SDR42E2: variants seen among roughly 807,000 people sequenced by gnomAD.
SDR42E2 encodes the protein putative short-chain dehydrogenase/reductase family 42E member 2.
A neutral mutation model predicts 10.5 loss-of-function variants in SDR42E2; 20 were observed. That is an observed-to-expected ratio of 1.90 (90% CI 1.34 to 2.77). The LOEUF (loss-of-function observed/expected upper bound fraction) is 2.77, where lower values mean the gene tolerates loss of function less well. Ranked by LOEUF, SDR42E2 falls within the 30% of genes most tolerant of loss-of-function variation. SDR42E2 has a pLI of 0.00. For synonymous variants in SDR42E2, 72 were observed against 39.2 expected, an observed-to-expected ratio of 1.84 and a Z score of -3.12; for missense variants, 162 against 104.2, an observed-to-expected ratio of 1.55 and a Z score of -2.42.
chr16:22,169,095 T>G (rs908515979), intron 4 of SDR42E2, among the ~76,000 whole-genome samples: 2 of 152,110 alleles, frequency 1.3e-5, no homozygotes, highest in African/African-American at 2.4e-5. Context: ...ACTGAGGCTT[T>G]GAGAGTAGGA....
At chr16:22,165,893 G>T (rs1260755395) in intron 2 of SDR42E2, among the ~76,000 whole-genome samples, 1 of 152,034 alleles carries the variant, frequency 6.6e-6, no homozygotes, top group Non-Finnish European at 1.5e-5. Flanking sequence ...TCCGTACCTG[G>T]TCTAGGAGCT....
intron 3 of SDR42E2, among the ~76,000 whole-genome samples, chr16:22,166,659 C>G (rs2046543274): frequency 1.3e-5 from 2 of 152,066 alleles, no homozygotes; most frequent in Admixed American, 6.6e-5. Flanking sequence ...GTTGATGAGA[C>G]AGTGCACATA....
intron 7 of SDR42E2, among the ~76,000 whole-genome samples, chr16:22,174,071 A>T (rs1442996355): frequency 6.7e-6 from 1 of 150,172 alleles, no homozygotes; most frequent in East Asian, 2.0e-4. Context: ...GGTGGCTCAC[A>T]CTTGTAATCC....
intron 11 of SDR42E2, among the ~76,000 whole-genome samples, chr16:22,185,419 G>A (rs762111746): frequency 2.6e-5 from 4 of 152,134 alleles, no homozygotes; most frequent in East Asian, 1.9e-4. Context: ...CCTGAGCCAC[G>A]GCCGATGGCA....
chr16:22,183,071 G>A (rs1435742015), intron 10 of SDR42E2, among the ~76,000 whole-genome samples: 1 of 152,064 alleles, frequency 6.6e-6, no homozygotes, highest in African/African-American at 2.4e-5. Context: ...CTTGAGGGGC[G>A]CCATGTGTTC....
intron 7 of SDR42E2, among the ~76,000 whole-genome samples, chr16:22,175,747 C>T (rs187659735): frequency 1.3e-5 from 2 of 152,020 alleles, no homozygotes; most frequent in Non-Finnish European, 2.9e-5. Flanking sequence ...AATCCCAGCA[C>T]TTTGGGAGGC....
rs1343926094 is a variant in SDR42E2, at chr16:22,191,417, G to C, written c.*1024G>C. ...GTTCTCCCCGGAACCAGGCTGCCGCGTCGCTATGGGCTAACGCAGGCTCGG... is the reference window on the plus strand; with the variant it reads ...GTTCTCCCCGGAACCAGGCTGCCGCCTCGCTATGGGCTAACGCAGGCTCGG... On this transcript the variant is annotated 3_prime_UTR_variant, in exon 13 of 13. Transcript: ENST00000602312. 1 of 152,398 alleles carries C rather than the reference G, an allele frequency of 6.6e-6. No homozygotes were observed. Among genetic ancestry groups the C allele is most frequent in the Non-Finnish European group, 1.5e-5 (1 of 68,080 alleles). 9.4% of individuals were successfully genotyped at this position (152,398 alleles called of 1,614,324 possible).
At chr16:22,186,447 T>C (rs2046737443) in intron 11 of SDR42E2, among the ~76,000 whole-genome samples, 1 of 152,048 alleles carries the variant, frequency 6.6e-6, no homozygotes, top group Non-Finnish European at 1.5e-5. Flanking sequence ...TCTCAGGCAA[T>C]CCGCCCGCCT....
At chr16:22,173,905 GTA>G (rs770541596) in intron 7 of SDR42E2, among the ~76,000 whole-genome samples, 3,864 of 114,788 alleles carry the variant, frequency 0.034, 118 homozygotes, top group South Asian at 0.055. Context: ...ATGTGTGTGT[GTA>G]TATATATATA....
chr16:22,166,716 G>A (rs753612708), intron 3 of SDR42E2, among the ~76,000 whole-genome samples, 188 bp from the exon 4 acceptor site: 6 of 152,232 alleles, frequency 3.9e-5, no homozygotes, highest in South Asian at 4.1e-4. Context: ...GAATGAGCAC[G>A]GGATGTTGCT....
chr16:22,182,969 C>T lies in SDR42E2; in HGVS notation c.876+692C>T, dbSNP rs189580996. Among the ~76,000 whole-genome samples, 63 of 152,136 alleles carry T rather than the reference C, an allele frequency of 4.1e-4. No individual in the cohort carries two copies. The East Asian group carries it at 8.8e-3, about 21-fold the overall frequency. ...GCAGTGAGCTATGATTGCACCACTG[C>T]ACTCCAGCCTGGGTAACAGAATAAG... On this transcript the variant is annotated intron_variant, in intron 10 of 12. Coordinates refer to ENST00000602312, the MANE Select transcript of SDR42E2 (RefSeq NM_001394319.2).
intron 6 of SDR42E2, 23 bp downstream of exon 6, chr16:22,170,974 G>A (rs1403235327): frequency 2.8e-6 from 2 of 702,872 alleles, no homozygotes; most frequent in African/African-American, 3.5e-5. Flanking sequence ...CGGGAGAGGT[G>A]GGCAGGACCC....
At chr16:22,181,734 G>A (rs1188720896) in intron 9 of SDR42E2, 78 bp downstream of exon 9, 19 of 653,038 alleles carry the variant, frequency 2.9e-5, no homozygotes, top group Non-Finnish European at 4.7e-5. Flanking sequence ...GGGATTTCTG[G>A]ATGGCACACA....
intron 12 of SDR42E2, among the ~76,000 whole-genome samples, chr16:22,187,463 T>A (rs2046743851): frequency 6.6e-6 from 1 of 151,372 alleles, no homozygotes; most frequent in African/African-American, 2.4e-5. Flanking sequence ...CAAAAAATTT[T>A]AAAATTAGCC....
chr16:22,184,216 G>T lies in SDR42E2; in HGVS notation c.912G>T (p.Gln304His). The change falls in exon 11 of 13, where the codon CAG becomes CAT. Residue 304 changes from glutamine to histidine, a missense_variant. By Grantham distance (24) the Gln-to-His change is conservative. Transcript: ENST00000602312. ...TGGGGTACAGCCAGCCCTGGATCCA[G>T]GTGCCTACTTCCTGGGTTTACCTGA... ...EKLGYSQPWI[Q>H]VPTSWVYLTA... is the part of the protein sequence containing the mutation. 1 of 401,482 alleles carries T rather than the reference G, an allele frequency of 2.5e-6. No individual in the cohort carries two copies. The highest frequency in any genetic ancestry group is 1.3e-4 in the South Asian group (1 of 7,960). The allele number at this position is 401,482 out of a possible 1,614,324, so 24.9% of individuals were successfully genotyped here.
chr16:22,184,707 C>T (rs144825084), intron 11 of SDR42E2, among the ~76,000 whole-genome samples: 1 of 152,306 alleles, frequency 6.6e-6, no homozygotes, highest in East Asian at 1.9e-4. Flanking sequence ...GCAGCAGCTC[C>T]AAGCCTGAGT....
chr16:22,164,230 G>T (rs1379779748), intron 1 of SDR42E2, among the ~76,000 whole-genome samples: 1 of 151,886 alleles, frequency 6.6e-6, no homozygotes, highest in Non-Finnish European at 1.5e-5. Context: ...TACTAGCCTG[G>T]GCAACAGAGT....
At chr16:22,169,111 A>G (rs1408592481) in intron 4 of SDR42E2, among the ~76,000 whole-genome samples, 4 of 152,114 alleles carry the variant, frequency 2.6e-5, no homozygotes, top group Non-Finnish European at 4.4e-5. Context: ...TAGGAAAATG[A>G]CCCAACAGGT....
chr16:22,164,939 T>C (rs2046522770), intron 1 of SDR42E2, among the ~76,000 whole-genome samples: 1 of 152,190 alleles, frequency 6.6e-6, no homozygotes, highest in Admixed American at 6.5e-5. Context: ...AAGGAACTGG[T>C]AGATAAGTCA....
Sources: gnomAD v4.1 joint callset for allele counts (sites outside exome capture counted in the v4.1 genomes callset) on GRCh38, gnomAD v4.1.1 for gene constraint, MANE v1.5 for transcripts, NCBI Gene and HGNC (gene_info 2026-07-23, HGNC 2026-07-21) for gene names.